The following FERMT1 variants were observed in gnomAD, a reference collection of about 807,000 sequenced individuals.
FERMT1 encodes fermitin family homolog 1.
In FERMT1, 60 loss-of-function variants were observed where a neutral mutation model predicts 85.3. That is an observed-to-expected ratio of 0.70 (90% CI 0.57 to 0.87). The LOEUF (loss-of-function observed/expected upper bound fraction) is 0.87, where lower values mean the gene tolerates loss of function less well. Ranked by LOEUF, FERMT1 falls within the 40% of genes least tolerant of loss-of-function variation. The probability of loss-of-function intolerance (pLI) is 0.00; values close to 1 mark genes in which losing one functional copy is unlikely to be tolerated. For synonymous variants in FERMT1, 275 were observed against 301.1 expected (o/e 0.91, Z 0.90); for missense variants, 701 against 818.9 (o/e 0.86, Z 1.76).
chr20:6,101,107 A>G (rs1468968334), intron 6 of FERMT1, among the ~76,000 whole-genome samples: 1 of 152,218 alleles, frequency 6.6e-6, no homozygotes, highest in Non-Finnish European at 1.5e-5. Flanking sequence ...TATCACATCT[A>G]CCTACATTAC....
chr20:6,089,716 A>G (rs1982295178), intron 9 of FERMT1, among the ~76,000 whole-genome samples: 1 of 152,224 alleles, frequency 6.6e-6, no homozygotes, highest in Non-Finnish European at 1.5e-5. Flanking sequence ...CAGCTAGTCA[A>G]TATAGACTCT....
At chr20:6,095,589 C>T (rs1457167335) in intron 8 of FERMT1, among the ~76,000 whole-genome samples, 2 of 152,100 alleles carry the variant, frequency 1.3e-5, no homozygotes, top group African/African-American at 2.4e-5. Flanking sequence ...AACTGAAAAG[C>T]CTATTGTTAG....
intron 4 of FERMT1, among the ~76,000 whole-genome samples, chr20:6,111,654 A>G (rs958066028): frequency 1.7e-5 from 2 of 117,066 alleles, no homozygotes; most frequent in Non-Finnish European, 3.6e-5. Flanking sequence ...AAAACAAACA[A>G]ACAAAAAATG....
intron 9 of FERMT1, among the ~76,000 whole-genome samples, 171 bp from the exon 10 acceptor site, chr20:6,089,260 G>A (rs1246839282): frequency 6.6e-6 from 1 of 152,186 alleles, no homozygotes; most frequent in East Asian, 1.9e-4. Context: ...ATGCTGATAT[G>A]TGATGTAGAT....
chr20:6,113,461 G>A (rs781088006), intron 3 of FERMT1, among the ~76,000 whole-genome samples: 5 of 152,018 alleles, frequency 3.3e-5, no homozygotes, highest in Non-Finnish European at 7.4e-5. Context: ...GATCTTGAAC[G>A]TCTTTCTTTT....
intron 9 of FERMT1, among the ~76,000 whole-genome samples, chr20:6,092,688 T>G (rs892265434): frequency 1.3e-5 from 2 of 152,232 alleles, no homozygotes; most frequent in Admixed American, 1.3e-4. Context: ...TTTTCTATTT[T>G]TCATTCAACA....
intron 14 of FERMT1, among the ~76,000 whole-genome samples, 163 bp downstream of exon 14, chr20:6,079,273 C>A (rs1239916120): frequency 1.3e-5 from 2 of 152,170 alleles, no homozygotes; most frequent in Admixed American, 1.3e-4. Context: ...TAGGAAGCTG[C>A]CCAGAATTGC....
At chr20:6,113,621 C>T (rs890708730) in intron 3 of FERMT1, among the ~76,000 whole-genome samples, 5 of 152,148 alleles carry the variant, frequency 3.3e-5, no homozygotes, top group Non-Finnish European at 5.9e-5. Flanking sequence ...TGATGGCTCA[C>T]CAGGGTCTGC....
intron 2 of FERMT1, among the ~76,000 whole-genome samples, chr20:6,117,942 G>A (rs1239058667): frequency 3.3e-5 from 5 of 152,356 alleles, no homozygotes; most frequent in African/African-American, 1.2e-4. Context: ...GATTACAGGC[G>A]TGAGCCACTG....
rs1324737234 is a variant in FERMT1 at position 6,075,686 on chromosome 20, T to C, written c.*1487A>G. 1 of 152,206 alleles carries C rather than the reference T, an allele frequency of 6.6e-6. No homozygotes were observed. The highest frequency in any genetic ancestry group is 6.5e-5 in the Admixed American group (1 of 15,270). 9.4% of individuals were successfully genotyped at this position (152,206 alleles called of 1,614,324 possible). On this transcript the variant is annotated 3_prime_UTR_variant, in exon 15 of 15. Coordinates refer to ENST00000217289, the MANE Select transcript of FERMT1 (RefSeq NM_017671.5). ...CTTCTCAGAGGGCTTTGATGGAAAA[T>C]AAAGCAACAGCTGACGCTCACGGGC... is the stretch of plus-strand genomic sequence containing the variant.
At position 6,103,789 on chromosome 20, in the gene FERMT1, C is replaced by T. The variant is rs1326917287; in HGVS notation, c.849+3743G>A. 3.7e-5 allele frequency among the ~76,000 whole-genome samples: 5 copies of T among 133,828 alleles called. No homozygotes were observed. In the East Asian group the frequency reaches 1.0e-3, roughly 27 times the overall value. 87.8% of individuals were successfully genotyped at this position (133,828 alleles called of 152,430 possible). A position where few individuals can be genotyped will look rare whatever the true frequency, so the allele number is the denominator to read the frequency against. ...ATAGTTTTTTTTTTTTTTTTTTGGC[C>T]AGATGTACAATTTTCATTTTTTATT... On this transcript the variant is annotated intron_variant, in intron 6 of 14. Transcript: ENST00000217289.
Position 6,098,846 on chromosome 20 carries a change from G to A in FERMT1, c.850-1215C>T, listed in dbSNP as rs148799208. ...TTGGTGAGGCTGTGGAGAAATTGGA[G>A]CCCTTGTGCACTGCTAGGTGTAAAA... On this transcript the variant is annotated intron_variant, in intron 6 of 14. Transcript: ENST00000217289. Among the ~76,000 whole-genome samples, 54 of 152,264 alleles carry A rather than the reference G, an allele frequency of 3.5e-4. 2 individuals carry two copies. The East Asian group carries it at 4.8e-3, about 14-fold the overall frequency.
chr20:6,085,619 G>T (rs556042701), intron 11 of FERMT1, among the ~76,000 whole-genome samples: 2 of 152,190 alleles, frequency 1.3e-5, no homozygotes, highest in Non-Finnish European at 2.9e-5. Flanking sequence ...GGAGGTTGAG[G>T]TGGGTGGGTC....
At chr20:6,093,050 T>C (rs1426895785) in intron 9 of FERMT1, among the ~76,000 whole-genome samples, 3 of 152,116 alleles carry the variant, frequency 2.0e-5, no homozygotes, top group African/African-American at 4.8e-5. Flanking sequence ...CCACTATTTA[T>C]ATGATAAATT....
rs1982126918 is a variant in FERMT1, at chr20:6,085,064, AC to A, written c.1593+1del. On this transcript the variant is annotated splice_donor_variant, in intron 12 of 14. Coordinates refer to ENST00000217289, the MANE Select transcript of FERMT1 (RefSeq NM_017671.5). LOFTEE classifies it high-confidence loss of function. ...CAATTGCCCTAACAAGATTAACAGTACCTGTTTGGATTTGTGTCTTTTTGCA... is the reference window on the plus strand; with the variant it reads ...CAATTGCCCTAACAAGATTAACAGTACTGTTTGGATTTGTGTCTTTTTGCA... The A allele has an allele frequency of 6.2e-7, 1 of 1,608,572 alleles. No individual in the cohort carries two copies. Among genetic ancestry groups the A allele is most frequent in the Non-Finnish European group, 8.5e-7 (1 of 1,175,084 alleles).
chr20:6,095,628 G>T (rs908662114), intron 8 of FERMT1, among the ~76,000 whole-genome samples: 16 of 152,192 alleles, frequency 1.1e-4, no homozygotes, highest in South Asian at 8.3e-4. Context: ...AGGGAGGGAG[G>T]ACATAACTTT....
At chr20:6,102,409 G>A (rs992047639) in intron 6 of FERMT1, among the ~76,000 whole-genome samples, 9 of 152,044 alleles carry the variant, frequency 5.9e-5, no homozygotes, top group African/African-American at 2.2e-4. Flanking sequence ...GGGCACGGTG[G>A]CTCAAGCCTG....
At chr20:6,120,503 T>C (rs1021495435) in intron 1 of FERMT1, 2 of 152,212 alleles carry the variant, frequency 1.3e-5, no homozygotes, top group Admixed American at 1.3e-4. Context: ...AACACTGGAA[T>C]CCAAATTGGC....
At position 6,077,126 on chromosome 20, in the gene FERMT1, C is replaced by A. The variant is rs375036096; in HGVS notation, c.*47G>T. On this transcript the variant is annotated 3_prime_UTR_variant, in exon 15 of 15. Transcript: ENST00000217289. ...CGTTAGGGATCCCTCTGGGGAGGGG[C>A]GCCTTTGGCTTGCCTTGTTGGTGTG... The A allele has an allele frequency of 6.2e-6, 10 of 1,602,424 alleles. No individual in the cohort carries two copies. The highest frequency in any genetic ancestry group is 1.3e-5 in the African/African-American group (1 of 74,758).
Sources: allele counts gnomAD v4.1 joint callset (sites outside exome capture counted in the v4.1 genomes callset), GRCh38; gene constraint gnomAD v4.1.1; transcripts MANE v1.5; gene names NCBI Gene and HGNC (gene_info 2026-07-23, HGNC 2026-07-21).